Variants in L3HYPDH observed in about 807,000 individuals in gnomAD.
The protein encoded by L3HYPDH is trans-L-3-hydroxyproline dehydratase, also known as trans-3-hydroxy-L-proline dehydratase.
In L3HYPDH, 32 loss-of-function variants were observed where a neutral mutation model predicts 26.5. That is an observed-to-expected ratio of 1.21 (90% confidence interval 0.91 to 1.62). L3HYPDH has a LOEUF of 1.62. Among genes scored for constraint, L3HYPDH ranks in the 40% most tolerant of loss-of-function variants. L3HYPDH has a pLI of 0.00. For synonymous variants in L3HYPDH, 215 were observed against 196.6 expected (o/e 1.09, Z -0.78); for missense variants, 554 against 476.4 (o/e 1.16, Z -1.52).
intron 1 of L3HYPDH, among the ~76,000 whole-genome samples, chr14:59,467,300 A>G (rs745850649): frequency 2.2e-4 from 33 of 152,204 alleles, no homozygotes; most frequent in Non-Finnish European, 4.3e-4. Flanking sequence ...ATTCTAGGAT[A>G]TTGGAGATGG....
chr14:59,475,765 C>G, intron 4 of L3HYPDH, 104 bp downstream of exon 4: 1 of 1,196,028 alleles, frequency 8.4e-7, no homozygotes, highest in Non-Finnish European at 1.2e-6. Context: ...CTTTAAAATT[C>G]TCTTCTGAGA....
intron 1 of L3HYPDH, among the ~76,000 whole-genome samples, chr14:59,481,453 G>T (rs111816755): frequency 0.015 from 2,289 of 152,148 alleles, 60 homozygotes; most frequent in African/African-American, 0.051. Flanking sequence ...TCAAACCCAG[G>T]ACCAGGTGAC....
chr14:59,494,615 G>A, the L3HYPDH span, among the ~76,000 whole-genome samples: 6 of 152,158 alleles, frequency 3.9e-5, no homozygotes, highest in Non-Finnish European at 8.8e-5. Flanking sequence ...GGATGGGGAG[G>A]AACAAAGATG....
chr14:59,483,394 A>AT (rs1404321552), intron 1 of L3HYPDH: 6 of 487,354 alleles, frequency 1.2e-5, no homozygotes, highest in African/African-American at 2.1e-5. Context: ...TTAGTAACTT[A>AT]TTAAGTGTGA....
chr14:59,474,725 G>T (rs1889510006), intron 4 of L3HYPDH: 2 of 426,784 alleles, frequency 4.7e-6, no homozygotes, highest in South Asian at 1.2e-4. Context: ...GCACAGTACT[G>T]ACCTTGTAGG....
At chr14:59,504,489 A>ACAG in the L3HYPDH span, 1,785 of 159,610 alleles carry the variant, frequency 0.011, 26 homozygotes, top group African/African-American at 0.041. Flanking sequence ...CCTATAATGA[A>ACAG]TTGTAAAAAC....
chr14:59,496,627 AATTT>A, the L3HYPDH span, among the ~76,000 whole-genome samples: 1 of 152,268 alleles, frequency 6.6e-6, no homozygotes, highest in South Asian at 2.1e-4. Context: ...AGTCACTTCT[AATTT>A]ATTGTAGCAC....
the L3HYPDH span, among the ~76,000 whole-genome samples, chr14:59,491,304 G>A: frequency 3.3e-5 from 5 of 152,154 alleles, no homozygotes; most frequent in African/African-American, 9.7e-5. Flanking sequence ...GATGCTGGTG[G>A]GGGTATTTTT....
At chr14:59,494,914 T>C in the L3HYPDH span, 4 of 800,196 alleles carry the variant, frequency 5.0e-6, no homozygotes, top group African/African-American at 3.5e-5. Context: ...TTTTGACTTT[T>C]CTTATAGATT....
At chr14:59,468,703 C>T (rs537146700), downstream of L3HYPDH, among the ~76,000 whole-genome samples, 5 of 152,292 alleles carry the variant, frequency 3.3e-5, no homozygotes, top group Admixed American at 1.3e-4. Context: ...TTTATGAGAT[C>T]CCCAGCACTT....
the L3HYPDH span, chr14:59,498,993 C>A: frequency 2.2e-6 from 1 of 457,216 alleles, no homozygotes; most frequent in Non-Finnish European, 3.5e-6. Flanking sequence ...GGAGATTTTT[C>A]CTTAAGATAG....
In L3HYPDH at chr14:59,479,359, AAAGATGTGTTTGGAAAG is replaced by A; in HGVS notation, c.509-25_509-9del. 6.2e-7 allele frequency: 1 copy of A among 1,607,552 alleles called. No homozygotes were observed. The highest frequency in any genetic ancestry group is 1.7e-4 in the Middle Eastern group (1 of 6,056). On this transcript the variant is annotated splice_polypyrimidine_tract_variant and intron_variant, in intron 1 of 4. Transcript: ENST00000247194. ...GAACATCCACCATGAGATCTAAAAAAAAGATGTGTTTGGAAAGAAGATGTGTTTGTTAATAAGTATTT... is the reference window on the plus strand; with the variant it reads ...GAACATCCACCATGAGATCTAAAAAAAAGATGTGTTTGTTAATAAGTATTT...
chr14:59,502,110 T>G, the L3HYPDH span, among the ~76,000 whole-genome samples: 5 of 152,300 alleles, frequency 3.3e-5, no homozygotes, highest in African/African-American at 1.2e-4. Context: ...AAATGGGCAT[T>G]CTTGTACATT....
chr14:59,471,045 T>C (rs2139793354), downstream of L3HYPDH, among the ~76,000 whole-genome samples: 1 of 149,996 alleles, frequency 6.7e-6, no homozygotes, highest in Non-Finnish European at 1.5e-5. Flanking sequence ...GGGATAGATG[T>C]GAGCAGTATT....
At chr14:59,471,487 C>G (rs1055809577), downstream of L3HYPDH, among the ~76,000 whole-genome samples, 3 of 152,002 alleles carry the variant, frequency 2.0e-5, no homozygotes, top group Non-Finnish European at 4.4e-5. Context: ...GAATAGTTTC[C>G]CCTGGTGGAG....
chr14:59,502,409 C>G, the L3HYPDH span, among the ~76,000 whole-genome samples: 7 of 152,112 alleles, frequency 4.6e-5, no homozygotes, highest in African/African-American at 1.7e-4. Flanking sequence ...ACAGAGAAAA[C>G]TCAACCAAGA....
At chr14:59,485,760 GGC>G (rs1246264297), upstream of L3HYPDH, 3 of 152,380 alleles carry the variant, frequency 2.0e-5, no homozygotes, top group African/African-American at 7.2e-5. Flanking sequence ...TGGGACTACA[GGC>G]GCGCGCCACC....
At chr14:59,484,537 A>G (rs1373274040), upstream of L3HYPDH, 3 of 1,560,346 alleles carry the variant, frequency 1.9e-6, no homozygotes, top group South Asian at 1.2e-5. Context: ...TGTTCGGTGC[A>G]GCTGCCAGAT....
downstream of L3HYPDH, among the ~76,000 whole-genome samples, chr14:59,470,956 G>A (rs1158416400): frequency 2.0e-4 from 2 of 9,760 alleles, no homozygotes; most frequent in African/African-American, 5.0e-4. Flanking sequence ...GGCTGGGGGC[G>A]GGGGGGGGGG....
Sources: allele counts gnomAD v4.1 joint callset (sites outside exome capture counted in the v4.1 genomes callset), GRCh38; gene constraint gnomAD v4.1.1; transcripts MANE v1.5; gene names NCBI Gene and HGNC (gene_info 2026-07-23, HGNC 2026-07-21).